The following VPS35L variants were observed in gnomAD, a reference collection of about 807,000 sequenced individuals.
VPS35L encodes VPS35 endosomal protein-sorting factor-like.
Under a neutral mutation model 133.0 loss-of-function variants are expected in VPS35L, and 83 were observed. That is an observed-to-expected ratio of 0.62 (90% CI 0.52 to 0.75). VPS35L has a LOEUF of 0.75. Ranked by LOEUF, VPS35L falls within the 30% of genes least tolerant of loss-of-function variation. The pLI is 0.00. For synonymous variants in VPS35L, 423 were observed against 449.9 expected, an observed-to-expected ratio of 0.94 and a Z score of 0.76; for missense variants, 1,083 against 1,206.8, an observed-to-expected ratio of 0.90 and a Z score of 1.52.
At chr16:19,692,343 G>C (rs2151627223) in intron 29 of VPS35L, among the ~76,000 whole-genome samples, 2 of 152,288 alleles carry the variant, frequency 1.3e-5, no homozygotes, top group Middle Eastern at 3.4e-3. Flanking sequence ...TGCTATACCT[G>C]GGCTCTTTCA....
Position 19,639,912 on chromosome 16 carries a change from C to A in VPS35L, c.1699-103C>A. 1 of 960,938 alleles carries A rather than the reference C, an allele frequency of 1.0e-6. No individual in the cohort carries two copies. Among genetic ancestry groups the A allele is most frequent in the Non-Finnish European group, 1.6e-6 (1 of 628,046 alleles). The allele number at this position is 960,938 out of a possible 1,614,324, so 59.5% of individuals were successfully genotyped here. A position where few individuals can be genotyped will look rare whatever the true frequency, so the allele number is the denominator to read the frequency against. On this transcript the variant is annotated intron_variant, in intron 20 of 30. Transcript: ENST00000417362. This position sits in a 1 kb window ranked among gnomAD's most constrained non-coding sequence, Gnocchi z 4.1. ...ATCTGACCCGACTCAGAGAGATGAA[C>A]CTCTGTTCTGCTTCTTTGAACTCCA...
At position 19,581,492 on chromosome 16, in the gene VPS35L, G is replaced by T. The variant is rs965855718; in HGVS notation, c.511-33G>T. 6 of 1,520,414 alleles carry T rather than the reference G, an allele frequency of 3.9e-6. No individual in the cohort carries two copies. In the East Asian group the frequency reaches 9.5e-5, roughly 24 times the overall value. The allele number at this position is 1,520,414 out of a possible 1,614,324, so 94.2% of individuals were successfully genotyped here. Reference sequence around the variant, plus strand: ...GGTGTAGTCGAGCAATGTTTTTCCTGCTATGCCTTCACCTTCTGCCTTCTC... The same window carrying T: ...GGTGTAGTCGAGCAATGTTTTTCCTTCTATGCCTTCACCTTCTGCCTTCTC... On this transcript the variant is annotated intron_variant, in intron 6 of 30. Transcript: ENST00000417362.
At chr16:19,692,241 G>A (rs1008243764) in intron 29 of VPS35L, among the ~76,000 whole-genome samples, 2 of 152,182 alleles carry the variant, frequency 1.3e-5, no homozygotes, top group East Asian at 1.9e-4. Flanking sequence ...TGGGACACCC[G>A]GTAACTCTCT....
In VPS35L at chr16:19,600,383, T is replaced by G. The variant is rs534734578; in HGVS notation, c.725-1281T>G. ...ATATTGATAACATTTTGAAAATACA[T>G]GCACAGAATAAATAAAACTTTTGAT... is the stretch of plus-strand genomic sequence containing the variant. On this transcript the variant is annotated intron_variant, in intron 8 of 30. Transcript: ENST00000417362. Among the ~76,000 whole-genome samples, 22 of 152,314 alleles carry G rather than the reference T, an allele frequency of 1.4e-4. No homozygotes were observed. In the South Asian group the frequency reaches 4.6e-3, roughly 32 times the overall value.
intron 9 of VPS35L, among the ~76,000 whole-genome samples, chr16:19,604,751 G>A (rs537129282): frequency 1.3e-5 from 2 of 152,284 alleles, no homozygotes; most frequent in Admixed American, 6.5e-5. Context: ...TTTAAATCAA[G>A]TTCTGTTGGG....
At chr16:19,612,164 C>G (rs866331987) in intron 12 of VPS35L, among the ~76,000 whole-genome samples, 1 of 152,098 alleles carries the variant, frequency 6.6e-6, no homozygotes, top group East Asian at 1.9e-4. Context: ...GTCTCAATCT[C>G]TTGACCTCAT....
At chr16:19,557,146 A>T (rs753001464) in intron 1 of VPS35L, among the ~76,000 whole-genome samples, 7 of 152,064 alleles carry the variant, frequency 4.6e-5, no homozygotes, top group Non-Finnish European at 8.8e-5. Context: ...ATAATAATAA[A>T]AAATGAAAAA....
intron 1 of VPS35L, among the ~76,000 whole-genome samples, chr16:19,559,300 A>T (rs888245624): frequency 6.6e-6 from 1 of 152,198 alleles, no homozygotes. Context: ...CAGCCCGCCC[A>T]GGTGATGTCA....
chr16:19,671,620 T>C (rs1974877079), intron 27 of VPS35L, among the ~76,000 whole-genome samples: 2 of 151,428 alleles, frequency 1.3e-5, no homozygotes, highest in African/African-American at 4.9e-5. Flanking sequence ...CTACTAAAAA[T>C]ACAAAAATTA....
At chr16:19,558,785 T>C (rs1247060206) in intron 1 of VPS35L, among the ~76,000 whole-genome samples, 1 of 150,944 alleles carries the variant, frequency 6.6e-6, no homozygotes, top group African/African-American at 2.4e-5. Flanking sequence ...TCCTCAGGCG[T>C]GGTGACGGGT....
At chr16:19,574,342 A>G (rs1300312788) in intron 4 of VPS35L, among the ~76,000 whole-genome samples, 1 of 152,052 alleles carries the variant, frequency 6.6e-6, no homozygotes, top group Non-Finnish European at 1.5e-5. Flanking sequence ...ATTTAGGAAG[A>G]CTTCTTGGGG....
intron 9 of VPS35L, among the ~76,000 whole-genome samples, chr16:19,603,091 A>G (rs1972436636): frequency 6.6e-6 from 1 of 152,102 alleles, no homozygotes; most frequent in Non-Finnish European, 1.5e-5. Context: ...TTTAATGTGC[A>G]CATTTGTCAG....
At chr16:19,591,590 T>C (rs377224235) in intron 7 of VPS35L, among the ~76,000 whole-genome samples, 200 bp from the exon 8 acceptor site, 10 of 151,960 alleles carry the variant, frequency 6.6e-5, no homozygotes, top group African/African-American at 2.4e-4. Context: ...GAAGAGGTTC[T>C]GTTGTAAGCA....
intron 7 of VPS35L, among the ~76,000 whole-genome samples, chr16:19,591,306 A>T (rs1348672164): frequency 2.0e-5 from 3 of 152,232 alleles, no homozygotes; most frequent in Non-Finnish European, 4.4e-5. Flanking sequence ...GAGGACTGTG[A>T]TGAGAGAGAT....
At chr16:19,608,811 A>G (rs1212160094) in intron 10 of VPS35L, 163 bp from the exon 11 acceptor site, 6 of 585,752 alleles carry the variant, frequency 1.0e-5, no homozygotes, top group Middle Eastern at 2.8e-4. Context: ...TTTGAAAACC[A>G]TATGTAGAAA....
At chr16:19,616,654 C>G in intron 13 of VPS35L, 32 bp from the exon 14 acceptor site, 2 of 1,605,734 alleles carry the variant, frequency 1.2e-6, no homozygotes, top group Non-Finnish European at 1.7e-6. Context: ...TTTTTCCCCT[C>G]CTTTTCTAAG....
At chr16:19,647,728 T>C (rs1973994859) in intron 23 of VPS35L, 56 bp from the exon 24 acceptor site, 1 of 1,357,594 alleles carries the variant, frequency 7.4e-7, no homozygotes, top group African/African-American at 1.4e-5. Flanking sequence ...ACCATGTGCC[T>C]GCGTTCTCTC....
At chr16:19,620,339 C>T (rs1235365682) in intron 14 of VPS35L, among the ~76,000 whole-genome samples, 1 of 151,986 alleles carries the variant, frequency 6.6e-6, no homozygotes, top group Non-Finnish European at 1.5e-5. Context: ...TGCTCTTTTT[C>T]CCCCAAAAAG....
intron 26 of VPS35L, among the ~76,000 whole-genome samples, chr16:19,664,466 CA>C (rs1448901149): frequency 6.6e-6 from 1 of 151,616 alleles, no homozygotes; most frequent in Non-Finnish European, 1.5e-5. Flanking sequence ...GTCTCAAATA[CA>C]GTGACTGTAG....
Sources: gnomAD v4.1 joint callset for allele counts (sites outside exome capture counted in the v4.1 genomes callset) on GRCh38, gnomAD v4.1.1 for gene constraint, Gnocchi (gnomAD v3.1) non-coding constraint, MANE v1.5 for transcripts, NCBI Gene and HGNC (gene_info 2026-07-23, HGNC 2026-07-21) for gene names.